ITSN2: variants seen among roughly 807,000 people sequenced by gnomAD.
ITSN2 encodes intersectin-2.
In ITSN2, 156 loss-of-function variants were observed where a neutral mutation model predicts 243.7. The ratio of observed to expected loss-of-function variants is 0.64; its 90% CI spans 0.56 to 0.73. The LOEUF is 0.73. ITSN2 is among the 30% of genes least tolerant of loss of function. The pLI, the probability that ITSN2 is intolerant of heterozygous loss-of-function variation, is 0.00. For synonymous variants in ITSN2, 703 were observed against 699.9 expected, an observed-to-expected ratio of 1.00 and a Z score of -0.07; for missense variants, 1,801 against 1,996.1, an observed-to-expected ratio of 0.90 and a Z score of 1.86.
intron 15 of ITSN2, chr2:24,293,457 A>T (rs1432153476): frequency 3.5e-6 from 1 of 286,372 alleles, no homozygotes; most frequent in East Asian, 7.6e-5. Flanking sequence ...AAATATCATC[A>T]AGATATGAAG....
intron 17 of ITSN2, among the ~76,000 whole-genome samples, chr2:24,277,068 G>C (rs993807263): frequency 1.3e-5 from 2 of 152,154 alleles, no homozygotes; most frequent in African/African-American, 4.8e-5. Context: ...CATGGATTCA[G>C]TTAGTGGTCC....
chr2:24,351,172 G>C (rs943020315), intron 1 of ITSN2, among the ~76,000 whole-genome samples: 1 of 152,066 alleles, frequency 6.6e-6, no homozygotes, highest in Non-Finnish European at 1.5e-5. Flanking sequence ...CCTGCCTTCT[G>C]AGTGACACTT....
At chr2:24,314,011 C>T (rs1426839889) in intron 3 of ITSN2, among the ~76,000 whole-genome samples, 1 of 152,128 alleles carries the variant, frequency 6.6e-6, no homozygotes, top group South Asian at 2.1e-4. Flanking sequence ...TTAACGAATC[C>T]GGTAACGTTT....
chr2:24,245,371 GGAT>G (rs1673217978), intron 29 of ITSN2, among the ~76,000 whole-genome samples: 1 of 152,128 alleles, frequency 6.6e-6, no homozygotes, highest in Non-Finnish European at 1.5e-5. Context: ...CTTCCAACAT[GGAT>G]GATATGTAAA....
chr2:24,272,150 T>C (rs1026718641), intron 18 of ITSN2, among the ~76,000 whole-genome samples: 1 of 152,164 alleles, frequency 6.6e-6, no homozygotes, highest in Non-Finnish European at 1.5e-5. Context: ...GATTGATTAG[T>C]GGATGCACTG....
intron 22 of ITSN2, among the ~76,000 whole-genome samples, chr2:24,260,318 T>C (rs1431639836): frequency 1.3e-5 from 2 of 152,216 alleles, no homozygotes; most frequent in East Asian, 3.9e-4. Context: ...TGAGTGAAGG[T>C]GAAATCTGGA....
intron 29 of ITSN2, among the ~76,000 whole-genome samples, chr2:24,227,447 T>C (rs1224356514): frequency 6.6e-6 from 1 of 152,072 alleles, no homozygotes; most frequent in Non-Finnish European, 1.5e-5. Context: ...AATGAAGGGC[T>C]TGAAGCCATA....
chr2:24,254,498 T>C (rs566329437), intron 23 of ITSN2, 67 bp from the exon 24 acceptor site: 1 of 1,290,604 alleles, frequency 7.7e-7, no homozygotes, highest in Non-Finnish European at 1.1e-6. Context: ...AAAGGTGATT[T>C]GATGCACAGC....
In ITSN2 at chr2:24,248,828, T is replaced by C. The variant is rs780324765; in HGVS notation, c.3166+9A>G. On this transcript the variant is annotated intron_variant, in intron 26 of 39. Coordinates refer to ENST00000355123, the MANE Select transcript of ITSN2 (RefSeq NM_006277.3). ...GTTAGTAATTTTTTAAGATCACTAC[T>C]ATACGTACCAGGTTTTTTATTTGAT... is the stretch of plus-strand genomic sequence containing the variant. 6 of 1,613,676 alleles carry C rather than the reference T, an allele frequency of 3.7e-6. No homozygotes were observed. Among genetic ancestry groups the C allele is most frequent in the African/African-American group, 1.3e-5 (1 of 75,042 alleles).
chr2:24,263,529 C>T (rs1676193749), intron 20 of ITSN2, among the ~76,000 whole-genome samples: 1 of 152,098 alleles, frequency 6.6e-6, no homozygotes, highest in Admixed American at 6.6e-5. Context: ...CTTCCATCAC[C>T]CCCAAAAGTT....
chr2:24,283,073 C>CT (rs947670135), intron 17 of ITSN2, among the ~76,000 whole-genome samples: 8 of 146,232 alleles, frequency 5.5e-5, no homozygotes, highest in African/African-American at 2.0e-4. Context: ...TCTTTTCATT[C>CT]TAAGAGTTGT....
intron 14 of ITSN2, among the ~76,000 whole-genome samples, chr2:24,294,002 G>C (rs1344027446): frequency 6.6e-6 from 1 of 152,178 alleles, no homozygotes; most frequent in African/African-American, 2.4e-5. Flanking sequence ...AGGCAGTGAA[G>C]AAAGCCTTTG....
intron 38 of ITSN2, 28 bp downstream of exon 38, chr2:24,205,186 C>T: frequency 6.3e-7 from 1 of 1,592,066 alleles, no homozygotes; most frequent in Non-Finnish European, 8.6e-7. Flanking sequence ...GCAGTTATGT[C>T]TGCTGAATGA....
chr2:24,267,383 A>T (rs1391269426), intron 20 of ITSN2, among the ~76,000 whole-genome samples: 1 of 149,246 alleles, frequency 6.7e-6, no homozygotes, highest in African/African-American at 2.5e-5. Context: ...TTAAAGTATA[A>T]AAAAAAAAAA....
At chr2:24,227,468 TAAAAG>T (rs1671160240) in intron 29 of ITSN2, among the ~76,000 whole-genome samples, 1 of 152,016 alleles carries the variant, frequency 6.6e-6, no homozygotes, top group Non-Finnish European at 1.5e-5. Flanking sequence ...GGTAGTCTAT[TAAAAG>T]AAAGAATAAG....
Position 24,210,916 on chromosome 2 carries a change from T to G in ITSN2, c.4121A>C (p.Asp1374Ala), listed in dbSNP as rs759328853. Residue 1374 changes from aspartate to alanine, a missense_variant, in exon 34 of 40, where the codon GAC becomes GCC. Physicochemically the swap from Asp to Ala is moderately radical, Grantham distance 126. Around this residue, in one of 5 missense-constraint regions of ITSN2, gnomAD observed 928 missense variants for 1,065.4 expected, o/e 0.87. Coordinates refer to ENST00000355123, the MANE Select transcript of ITSN2 (RefSeq NM_006277.3). ...GAGGGCCAGCTTTAGGGAGGAATGG[T>G]CTGCATGGCTCTCCGGGGTGTTCTC... The part of the protein sequence containing the change: ...ILENTPESHA[D>A]HSSLKLALER... The G allele has an allele frequency of 6.2e-7, 1 of 1,614,214 alleles. No homozygotes were observed. The highest frequency in any genetic ancestry group is 1.1e-5 in the South Asian group (1 of 91,084).
rs1558417229 is a variant in ITSN2, at chr2:24,204,474, T to TGACA, written c.4763-60_4763-57dup. The stretch of plus-strand genomic sequence containing the variant: ...GTGCATGCAGGTAAAACGAAGCGAC[T>TGACA]GACAGTGCCCTCCCTGAGCAGAAGC... On this transcript the variant is annotated intron_variant, in intron 38 of 39. Transcript: ENST00000355123. The surrounding 1 kb of genome is among the most constrained non-coding windows in gnomAD (Gnocchi z 5.1). 4.0e-6 allele frequency: 6 copies of TGACA among 1,495,396 alleles called. No individual in the cohort carries two copies. The highest frequency in any genetic ancestry group is 5.6e-6 in the Non-Finnish European group (6 of 1,072,164). The allele number at this position is 1,495,396 out of a possible 1,614,324, so 92.6% of individuals were successfully genotyped here. A position where few individuals can be genotyped will look rare whatever the true frequency, so the allele number is the denominator to read the frequency against.
chr2:24,248,411 A>G (rs1427572456), intron 27 of ITSN2, among the ~76,000 whole-genome samples: 1 of 152,224 alleles, frequency 6.6e-6, no homozygotes, highest in Non-Finnish European at 1.5e-5. Context: ...TTTGGAGAAA[A>G]TTATTCCTTA....
chr2:24,229,433 G>C (rs1196185495), intron 29 of ITSN2, among the ~76,000 whole-genome samples: 1 of 151,924 alleles, frequency 6.6e-6, no homozygotes, highest in African/African-American at 2.4e-5. Context: ...TATTAAAAAC[G>C]CAAAAATTAG....
Sources: allele counts gnomAD v4.1 joint callset (sites outside exome capture counted in the v4.1 genomes callset), GRCh38; gene constraint gnomAD v4.1.1; regional missense constraint gnomAD v4.1.1; non-coding constraint Gnocchi (gnomAD v3.1); transcripts MANE v1.5; gene names NCBI Gene and HGNC (gene_info 2026-07-23, HGNC 2026-07-21).